The following OPCML variants were observed in gnomAD, a reference collection of about 807,000 sequenced individuals.
The protein encoded by OPCML is opioid binding protein/cell adhesion molecule like, also known as opioid-binding protein/cell adhesion molecule.
In OPCML, 13 loss-of-function variants were observed where a neutral mutation model predicts 37.8. The observed-to-expected ratio is 0.34, with a 90% CI of 0.22 to 0.55. OPCML has a LOEUF of 0.55. Among genes scored for constraint, OPCML ranks in the 20% least tolerant of loss-of-function variants. The pLI, the probability that OPCML is intolerant of heterozygous loss-of-function variation, is 0.91. For synonymous variants in OPCML, 176 were observed against 168.8 expected (o/e 1.04, Z -0.33); for missense variants, 341 against 435.6 (o/e 0.78, Z 1.93).
chr11:133,126,977 T>A (rs987083107), intron 1 of OPCML, among the ~76,000 whole-genome samples: 1 of 152,152 alleles, frequency 6.6e-6, no homozygotes, highest in East Asian at 1.9e-4. Flanking sequence ...GGATGGTACT[T>A]TAGATGGCAT....
At chr11:132,688,214 A>G (rs1447625458) in intron 2 of OPCML, among the ~76,000 whole-genome samples, 4 of 152,184 alleles carry the variant, frequency 2.6e-5, no homozygotes, top group African/African-American at 9.7e-5. Flanking sequence ...TTAAAAACAA[A>G]CAAAAAACCC....
At chr11:133,476,506 G>T (rs527756954) in intron 1 of OPCML, among the ~76,000 whole-genome samples, 75 of 152,120 alleles carry the variant, frequency 4.9e-4, no homozygotes, top group Non-Finnish European at 9.0e-4. Context: ...GCAATCATTC[G>T]TAGTGAATTT....
At chr11:132,837,855 G>A (rs1372279255) in intron 2 of OPCML, among the ~76,000 whole-genome samples, 2 of 152,156 alleles carry the variant, frequency 1.3e-5, no homozygotes, top group Admixed American at 6.5e-5. Flanking sequence ...ACCAAGACAG[G>A]CCCTCCCTCC....
Position 132,431,278 on chromosome 11 carries a change from T to C in OPCML, c.916+4808A>G, listed in dbSNP as rs7103963. 5.0e-3 allele frequency among the ~76,000 whole-genome samples: 758 copies of C among 152,350 alleles called. 7 individuals carry two copies. The highest frequency in any genetic ancestry group is 0.017 in the African/African-American group (716 of 41,582). ...ACACTTAGAAAGCTGAAAGTAACCT[T>C]GGAGTTCATCTTGCTCTGCTTTTCT... On this transcript the variant is annotated intron_variant, in intron 7 of 7. Coordinates refer to ENST00000524381, the MANE Select transcript of OPCML (RefSeq NM_001012393.5).
intron 1 of OPCML, among the ~76,000 whole-genome samples, chr11:133,315,782 G>A (rs950094830): frequency 1.3e-5 from 2 of 152,190 alleles, no homozygotes; most frequent in Middle Eastern, 3.4e-3. Flanking sequence ...TGGGAGACAA[G>A]AGCAAAACTC....
chr11:132,814,356 T>C (rs558921426), intron 2 of OPCML, among the ~76,000 whole-genome samples: 1 of 152,246 alleles, frequency 6.6e-6, no homozygotes, highest in East Asian at 1.9e-4. Context: ...AAGTACAAGC[T>C]GGAGCCCCAG....
At chr11:132,444,521 G>A (rs2136799736) in intron 4 of OPCML, among the ~76,000 whole-genome samples, 1 of 152,282 alleles carries the variant, frequency 6.6e-6, no homozygotes, top group East Asian at 1.9e-4. Flanking sequence ...CATTGTCCAA[G>A]TTGCAAGCAC....
rs76896018 is a variant in OPCML at position 132,743,834 on chromosome 11, C to T, written c.147-86515G>A. ...TCCCATTATATCACAGTAGCATCTA[C>T]GTGACACACAGGGGCCAAAAATGTC... On this transcript the variant is annotated intron_variant, in intron 2 of 7. Coordinates refer to ENST00000524381, the MANE Select transcript of OPCML (RefSeq NM_001012393.5). 2.0e-3 allele frequency among the ~76,000 whole-genome samples: 299 copies of T among 152,346 alleles called. 2 individuals are homozygous for T. The highest frequency in any genetic ancestry group is 7.0e-3 in the African/African-American group (290 of 41,584).
At chr11:132,649,820 T>G (rs1184816422) in intron 3 of OPCML, among the ~76,000 whole-genome samples, 1 of 152,180 alleles carries the variant, frequency 6.6e-6, no homozygotes, top group African/African-American at 2.4e-5. Context: ...CTCCCATTGT[T>G]GTGAGGAGAA....
intron 1 of OPCML, among the ~76,000 whole-genome samples, chr11:133,128,646 G>C (rs1460380756): frequency 1.3e-5 from 2 of 152,180 alleles, no homozygotes; most frequent in Non-Finnish European, 2.9e-5. Flanking sequence ...GGCGTAAGCA[G>C]CCTTCTCATG....
chr11:133,224,277 G>A (rs1418119365), intron 1 of OPCML, among the ~76,000 whole-genome samples: 1 of 152,182 alleles, frequency 6.6e-6, no homozygotes, highest in African/African-American at 2.4e-5. Context: ...AAGAGAAAAA[G>A]AACAAGATGG....
intron 3 of OPCML, among the ~76,000 whole-genome samples, chr11:132,634,766 A>G (rs1940378518): frequency 6.6e-6 from 1 of 152,180 alleles, no homozygotes; most frequent in Admixed American, 6.5e-5. Flanking sequence ...ATTCATGACC[A>G]TAAGTTATCA....
intron 1 of OPCML, among the ~76,000 whole-genome samples, chr11:133,369,492 C>T (rs1944625855): frequency 6.6e-6 from 1 of 152,134 alleles, no homozygotes; most frequent in African/African-American, 2.4e-5. Flanking sequence ...AGAGTGGTAG[C>T]AGTAAATAAT....
At chr11:132,818,761 A>T (rs957203857) in intron 2 of OPCML, among the ~76,000 whole-genome samples, 2 of 148,802 alleles carry the variant, frequency 1.3e-5, no homozygotes, top group African/African-American at 4.9e-5. Flanking sequence ...TTGCCTGCCA[A>T]ATCCAATATA....
rs1945648155 is a variant in OPCML at position 132,943,272 on chromosome 11, T to A, written c.62-262A>T. The A allele has an allele frequency of 1.1e-6, 1 of 901,246 alleles. No homozygotes were observed. The highest frequency in any genetic ancestry group is 1.7e-6 in the Non-Finnish European group (1 of 605,328). 55.8% of individuals were successfully genotyped at this position (901,246 alleles called of 1,614,324 possible). A position where few individuals can be genotyped will look rare whatever the true frequency, so the allele number is the denominator to read the frequency against. The stretch of plus-strand genomic sequence containing the variant: ...CGGAGTCTGAGAATTCTTCCTCAGA[T>A]CCTGCCTCAGCTTTCCAGCCTAGCA... On this transcript the variant is annotated intron_variant, in intron 1 of 7. Coordinates refer to ENST00000524381, the MANE Select transcript of OPCML (RefSeq NM_001012393.5). This position sits in a 1 kb window ranked among gnomAD's most constrained non-coding sequence, Gnocchi z 4.3.
chr11:132,907,752 C>T (rs565156130), intron 2 of OPCML, among the ~76,000 whole-genome samples: 34 of 152,162 alleles, frequency 2.2e-4, no homozygotes, highest in African/African-American at 7.2e-4. Flanking sequence ...TAGAATAAAC[C>T]ATTTGCTCAT....
chr11:132,709,607 GC>G (rs967014740), intron 2 of OPCML, among the ~76,000 whole-genome samples: 1 of 152,196 alleles, frequency 6.6e-6, no homozygotes, highest in African/African-American at 2.4e-5. Flanking sequence ...TCTGTAGCAT[GC>G]CCCCCTGGTT....
intron 1 of OPCML, among the ~76,000 whole-genome samples, chr11:133,071,438 CAT>C (rs1948532069): frequency 6.6e-6 from 1 of 152,126 alleles, no homozygotes; most frequent in Non-Finnish European, 1.5e-5. Flanking sequence ...ATGTTTGAGA[CAT>C]AGTTGTATAT....
chr11:133,286,028 G>A (rs1237946677), intron 1 of OPCML, among the ~76,000 whole-genome samples: 2 of 152,120 alleles, frequency 1.3e-5, no homozygotes, highest in African/African-American at 4.8e-5. Flanking sequence ...ATGATGGAGA[G>A]GCAGGCTTCC....
Sources: gnomAD v4.1 joint callset for allele counts (sites outside exome capture counted in the v4.1 genomes callset) on GRCh38, gnomAD v4.1.1 for gene constraint, Gnocchi (gnomAD v3.1) non-coding constraint, MANE v1.5 for transcripts, NCBI Gene and HGNC (gene_info 2026-07-23, HGNC 2026-07-21) for gene names.